The following CNKSR3 variants were observed in gnomAD, a reference collection of about 807,000 sequenced individuals.
The protein encoded by CNKSR3 is connector enhancer of kinase suppressor of ras 3.
A neutral mutation model predicts 67.7 loss-of-function variants in CNKSR3; 36 were observed. The ratio of observed to expected loss-of-function variants is 0.53; its 90% CI spans 0.41 to 0.70. The LOEUF is 0.70. CNKSR3 is among the 30% of genes least tolerant of loss of function. CNKSR3 has a pLI of 0.00. For missense variants in CNKSR3, 630 were observed against 695.2 expected, an observed-to-expected ratio of 0.91 and a Z score of 1.05; for synonymous variants, 281 against 271.4, an observed-to-expected ratio of 1.04 and a Z score of -0.35.
chr6:154,479,635 C>T (rs1410715323), intron 1 of CNKSR3, among the ~76,000 whole-genome samples: 1 of 152,132 alleles, frequency 6.6e-6, no homozygotes, highest in Non-Finnish European at 1.5e-5. Context: ...TCGAGGCCCC[C>T]CACTACAATT....
chr6:154,448,434 CAAAAAA>C (rs56872694), intron 2 of CNKSR3, among the ~76,000 whole-genome samples: 12 of 121,768 alleles, frequency 9.9e-5, no homozygotes, highest in African/African-American at 2.5e-4. Flanking sequence ...CACGTTTGTA[CAAAAAA>C]AAAAAAAAAA....
intron 12 of CNKSR3, 69 bp downstream of exon 12, chr6:154,410,274 G>A: frequency 9.3e-7 from 1 of 1,074,940 alleles, no homozygotes; most frequent in Non-Finnish European, 1.4e-6. Context: ...TAGAAACAGA[G>A]GTGAAACCAG....
chr6:154,437,403 C>T (rs942530582), intron 4 of CNKSR3, among the ~76,000 whole-genome samples: 3 of 137,790 alleles, frequency 2.2e-5, no homozygotes, highest in African/African-American at 5.3e-5. Context: ...GGCAAAGCAC[C>T]TATGTTCTTT....
intron 1 of CNKSR3, among the ~76,000 whole-genome samples, chr6:154,500,915 A>C (rs1786982871): frequency 6.6e-6 from 1 of 152,260 alleles, no homozygotes; most frequent in South Asian, 2.1e-4. Flanking sequence ...AAAGTAGGCT[A>C]AGTCCAATTT....
At position 154,407,756 on chromosome 6, in the gene CNKSR3, GAA is replaced by G. The variant is rs1414940949; in HGVS notation, c.1370-1106_1370-1105del. Among the ~76,000 whole-genome samples the G allele has an allele frequency of 1.3e-4, 20 of 148,176 alleles. 1 individual carries two copies. In the East Asian group the frequency reaches 4.1e-3, roughly 30 times the overall value. On this transcript the variant is annotated intron_variant, in intron 12 of 12. Coordinates refer to ENST00000607772, the MANE Select transcript of CNKSR3 (RefSeq NM_173515.4). ...CATGAGCCACCACACCTAGCCTACT[GAA>G]ACCTTTTTCAAATTTTAGAATTTGA...
intron 2 of CNKSR3, among the ~76,000 whole-genome samples, chr6:154,445,107 T>C (rs1276362558): frequency 6.6e-6 from 1 of 152,082 alleles, no homozygotes; most frequent in Non-Finnish European, 1.5e-5. Context: ...TAAATAGATT[T>C]TACTTGAAGT....
chr6:154,459,445 A>C (rs1786033588), intron 1 of CNKSR3, among the ~76,000 whole-genome samples: 1 of 152,244 alleles, frequency 6.6e-6, no homozygotes. Context: ...TACCAAGCTG[A>C]AAGAACAGTA....
Position 154,410,376 on chromosome 6 carries a change from G to T in CNKSR3, c.1336C>A (p.Pro446Thr). 1 of 1,613,992 alleles carries T rather than the reference G, an allele frequency of 6.2e-7. No homozygotes were observed. The highest frequency in any genetic ancestry group is 1.1e-5 in the South Asian group (1 of 91,084). The change falls in exon 12 of 13, where the codon CCT becomes ACT. Residue 446 changes from proline to threonine, a missense_variant. Around this residue, in one of 3 missense-constraint regions of CNKSR3, gnomAD observed 308 missense variants for 299.6 expected, o/e 1.03. Transcript: ENST00000607772. ...CCATGACCTCGAGGTCTGGCAAAAG[G>T]GTCCACAATCCCCATCCAGTTCCCA... ...ADGNWMGIVD[P>T]FARPRGHGRK...
Position 154,443,879 on chromosome 6 carries a change from T to A in CNKSR3, c.217-1589A>T, listed in dbSNP as rs145652899. 7.9e-5 allele frequency among the ~76,000 whole-genome samples: 12 copies of A among 152,250 alleles called. No individual in the cohort carries two copies. In the East Asian group the frequency reaches 9.7e-4, roughly 12 times the overall value. ...GTCTCAATCAATCAATAAAATTAAT[T>A]TCTTGCTCTTGTGCTTCTAACCTGT... is the stretch of plus-strand genomic sequence containing the variant. On this transcript the variant is annotated intron_variant, in intron 2 of 12. Transcript: ENST00000607772.
chr6:154,498,462 C>T (rs891887572), intron 1 of CNKSR3, among the ~76,000 whole-genome samples: 3 of 152,150 alleles, frequency 2.0e-5, no homozygotes, highest in African/African-American at 7.2e-5. Context: ...AAATCAGAAG[C>T]TCTGGAAACT....
intron 1 of CNKSR3, among the ~76,000 whole-genome samples, chr6:154,463,388 A>T (rs909442251): frequency 1.3e-5 from 2 of 151,896 alleles, no homozygotes; most frequent in Admixed American, 6.6e-5. Context: ...TTTCTTTCAT[A>T]TATACATCAC....
intron 1 of CNKSR3, among the ~76,000 whole-genome samples, chr6:154,499,903 G>A (rs1582905828): frequency 6.6e-6 from 1 of 152,172 alleles, no homozygotes; most frequent in African/African-American, 2.4e-5. Flanking sequence ...TTCAAACCAT[G>A]TGTCTCCAGG....
chr6:154,453,639 T>G (rs1287388166), intron 1 of CNKSR3, among the ~76,000 whole-genome samples: 1 of 152,206 alleles, frequency 6.6e-6, no homozygotes, highest in Non-Finnish European at 1.5e-5. Context: ...CCCCCAGAGT[T>G]TTATTATTCC....
In CNKSR3 at chr6:154,455,030, C is replaced by T. The variant is rs116220828; in HGVS notation, c.53-4772G>A. Among the ~76,000 whole-genome samples the T allele has an allele frequency of 4.0e-5, 6 of 151,620 alleles. 1 individual carries two copies. Among genetic ancestry groups the T allele is most frequent in the South Asian group, 2.1e-4 (1 of 4,802 alleles). On this transcript the variant is annotated intron_variant, in intron 1 of 12. Transcript: ENST00000607772. ...GCATCACAAAAGCAGTGACTTTGGA[C>T]GGGCACAGTGGCTCACATCTGTAAT...
At chr6:154,438,488 G>A (rs1785518279) in intron 4 of CNKSR3, among the ~76,000 whole-genome samples, 1 of 151,418 alleles carries the variant, frequency 6.6e-6, no homozygotes, top group Non-Finnish European at 1.5e-5. Context: ...ACATTAACTT[G>A]TAGAAATCCC....
intron 1 of CNKSR3, among the ~76,000 whole-genome samples, chr6:154,468,831 C>T (rs551590580): frequency 2.8e-4 from 43 of 152,188 alleles, no homozygotes; most frequent in Non-Finnish European, 5.7e-4. Context: ...ACAGAAGTTG[C>T]TTAATCCCTA....
chr6:154,419,631 C>T (rs60530211), intron 9 of CNKSR3, among the ~76,000 whole-genome samples: 2,732 of 152,206 alleles, frequency 0.018, 77 homozygotes, highest in African/African-American at 0.062. Context: ...CTACTGGATA[C>T]ACGTTTAAAG....
rs368773867 is a variant in CNKSR3, at chr6:154,392,906, G to GGTTTGTTTGTTT, written c.*13436_*13447dup. On this transcript the variant is annotated 3_prime_UTR_variant, in exon 13 of 13. Coordinates refer to ENST00000607772, the MANE Select transcript of CNKSR3 (RefSeq NM_173515.4). Reference sequence around the variant, plus strand: ...AGCATTGTCCTCTGAGGTAGTTAGTGGTTTGTTTGTTTGTTTGTTTGTTTG... The same window carrying GGTTTGTTTGTTT: ...AGCATTGTCCTCTGAGGTAGTTAGTGGTTTGTTTGTTTGTTTGTTTGTTTGTTTGTTTGTTTG... 9.9e-5 allele frequency: 15 copies of GGTTTGTTTGTTT among 152,248 alleles called. No individual in the cohort carries two copies. The highest frequency in any genetic ancestry group is 2.9e-4 in the African/African-American group (12 of 41,410). The allele number at this position is 152,248 out of a possible 1,614,324, so 9.4% of individuals were successfully genotyped here.
At chr6:154,406,992 T>G (rs1298496188) in intron 12 of CNKSR3, among the ~76,000 whole-genome samples, 1 of 149,928 alleles carries the variant, frequency 6.7e-6, no homozygotes, top group East Asian at 2.0e-4. Flanking sequence ...CCCTACACAG[T>G]GCTCTTTGGA....
Sources: gnomAD v4.1 joint callset for allele counts (sites outside exome capture counted in the v4.1 genomes callset) on GRCh38, gnomAD v4.1.1 for gene constraint, gnomAD v4.1.1 regional missense constraint, MANE v1.5 for transcripts, NCBI Gene and HGNC (gene_info 2026-07-23, HGNC 2026-07-21) for gene names.